Variants in SCARA3 observed in about 807,000 individuals in gnomAD.
SCARA3 encodes the protein cellular stress response gene protein.
A neutral mutation model predicts 47.0 loss-of-function variants in SCARA3; 39 were observed. The observed-to-expected ratio is 0.83, with a 90% CI of 0.64 to 1.08. The LOEUF (loss-of-function observed/expected upper bound fraction) is 1.08. SCARA3 is among the 50% of genes least tolerant of loss of function. SCARA3 has a pLI of 0.00. For synonymous variants in SCARA3, 356 were observed against 334.1 expected (o/e 1.07, Z -0.71); for missense variants, 724 against 792.3 (o/e 0.91, Z 1.04).
intron 1 of SCARA3, among the ~76,000 whole-genome samples, chr8:27,640,611 C>T (rs953714389): frequency 1.8e-4 from 28 of 151,698 alleles, no homozygotes; most frequent in African/African-American, 6.3e-4. Flanking sequence ...AGCTCCCGAC[C>T]TCAAGCAATC....
the SCARA3 span, among the ~76,000 whole-genome samples, chr8:27,725,467 A>T: frequency 2.0e-5 from 3 of 151,310 alleles, no homozygotes; most frequent in Admixed American, 2.0e-4. Context: ...ATTATATAGT[A>T]AAAAGAAATT....
intron 5 of SCARA3, among the ~76,000 whole-genome samples, chr8:27,660,955 C>T (rs1381333976): frequency 6.6e-6 from 1 of 152,080 alleles, no homozygotes; most frequent in Admixed American, 6.5e-5. Context: ...CTGGCAAGTC[C>T]AAAATCCGCA....
At chr8:27,711,984 C>A in the SCARA3 span, among the ~76,000 whole-genome samples, 3 of 152,240 alleles carry the variant, frequency 2.0e-5, no homozygotes, top group South Asian at 6.2e-4. Flanking sequence ...TTTGGGCAAA[C>A]GTATAATGAC....
At chr8:27,722,881 G>A in the SCARA3 span, among the ~76,000 whole-genome samples, 5 of 152,002 alleles carry the variant, frequency 3.3e-5, no homozygotes, top group African/African-American at 9.7e-5. Context: ...TTCTCCTAGT[G>A]ACCCCGGCAC....
Position 27,649,741 on chromosome 8 carries a change from C to T in SCARA3, c.47C>T (p.Thr16Ile), listed in dbSNP as rs142390850. The T allele has an allele frequency of 2.3e-5, 37 of 1,614,172 alleles. No individual in the cohort carries two copies. The African/African-American group carries it at 3.6e-4, about 16-fold the overall frequency. ...GGCGATGGAGATGCCTTGTGCGTTA[C>T]AGAAGAGGACCTGGCGGGTGACGAC... The part of the protein sequence containing the change: ...AGGDGDALCV[T>I]EEDLAGDDED... The change falls in exon 2 of 6, where the codon ACA (threonine) becomes ATA (isoleucine). Residue 16 changes from threonine (T) to isoleucine (I), a missense_variant. Thr to Ile is a moderately conservative substitution (Grantham distance 89). Transcript: ENST00000301904.
the SCARA3 span, among the ~76,000 whole-genome samples, chr8:27,685,250 CT>C: frequency 6.6e-6 from 1 of 152,150 alleles, no homozygotes; most frequent in Non-Finnish European, 1.5e-5. Flanking sequence ...CCAAAACTGA[CT>C]TAATAAGTAG....
intron 1 of SCARA3, among the ~76,000 whole-genome samples, chr8:27,648,575 G>T (rs1274605865): frequency 6.6e-6 from 1 of 151,922 alleles, no homozygotes; most frequent in Admixed American, 6.6e-5. Flanking sequence ...CTGCAATCCA[G>T]CCTGGGCGAC....
the SCARA3 span, among the ~76,000 whole-genome samples, chr8:27,715,828 A>AGATAGAT: frequency 2.8e-4 from 24 of 84,298 alleles, no homozygotes; most frequent in Non-Finnish European, 4.9e-4. The surrounding 1 kb of genome is among the most constrained non-coding windows in gnomAD (Gnocchi z 4.2). Flanking sequence ...GATAGATGAT[A>AGATAGAT]GATAGATAGA....
chr8:27,658,759 G>A lies in SCARA3; in HGVS notation c.589G>A (p.Ala197Thr), dbSNP rs958175542. The change falls in exon 5 of 6, where the codon GCC (alanine) becomes ACC (threonine). Residue 197 changes from alanine (A) to threonine (T), a missense_variant. By Grantham distance (58) the Ala-to-Thr change is moderately conservative. Coordinates refer to ENST00000301904, the MANE Select transcript of SCARA3 (RefSeq NM_016240.3). ...CCTGGCCCAGGTGAGAGGCTGGCAGGCCACCACAGCTGGCCTGGACCTCTC... is the reference window on the plus strand; with the variant it reads ...CCTGGCCCAGGTGAGAGGCTGGCAGACCACCACAGCTGGCCTGGACCTCTC... ...LFLAQVRGWQ[A>T]TTAGLDLSLK... The A allele has an allele frequency of 6.2e-7, 1 of 1,614,044 alleles. No individual in the cohort carries two copies. The highest frequency in any genetic ancestry group is 1.7e-5 in the Admixed American group (1 of 60,012).
At chr8:27,707,875 T>C in the SCARA3 span, among the ~76,000 whole-genome samples, 2 of 149,894 alleles carry the variant, frequency 1.3e-5, no homozygotes, top group African/African-American at 2.5e-5. Context: ...CAAATGCATC[T>C]AAAAATGATG....
the SCARA3 span, among the ~76,000 whole-genome samples, chr8:27,695,950 C>T: frequency 6.6e-6 from 1 of 151,734 alleles, no homozygotes; most frequent in African/African-American, 2.4e-5. Flanking sequence ...AGGATAAATA[C>T]AAACAAAAAT....
chr8:27,656,889 A>G lies in SCARA3; in HGVS notation c.325+9A>G, dbSNP rs1290883586. On this transcript the variant is annotated intron_variant, in intron 4 of 5. Coordinates refer to ENST00000301904, the MANE Select transcript of SCARA3 (RefSeq NM_016240.3). ...AAATCTCCAGGGCCTGGGTAAGTAG[A>G]TGGGCTGATGACTGTGATGCAGTGA... 6.5e-7 allele frequency: 1 copy of G among 1,529,662 alleles called. No individual in the cohort carries two copies. Among genetic ancestry groups the G allele is most frequent in the East Asian group, 2.2e-5 (1 of 44,524 alleles). The allele number at this position is 1,529,662 out of a possible 1,614,324, so 94.8% of individuals were successfully genotyped here.
At chr8:27,644,993 G>A (rs921451755) in intron 1 of SCARA3, among the ~76,000 whole-genome samples, 5 of 152,168 alleles carry the variant, frequency 3.3e-5, no homozygotes, top group East Asian at 3.9e-4. Context: ...TCTGTTCTGC[G>A]AAGGGGAGGG....
intron 1 of SCARA3, among the ~76,000 whole-genome samples, chr8:27,642,562 C>A (rs769762188): frequency 6.6e-5 from 10 of 152,174 alleles, no homozygotes; most frequent in Admixed American, 2.6e-4. Context: ...GTGGCTCATG[C>A]CAGTAATCCC....
At chr8:27,651,841 G>A (rs979352827) in intron 3 of SCARA3, among the ~76,000 whole-genome samples, 1 of 152,216 alleles carries the variant, frequency 6.6e-6, no homozygotes, top group Non-Finnish European at 1.5e-5. Flanking sequence ...CTGCCTCTGG[G>A]GACCCCTTCT....
rs1415400509 is a variant in SCARA3 at position 27,646,978 on chromosome 8, C to G, written c.8-2724C>G. ...CGCACCCCTGACCGCCCCCGCCCCC[C>G]CCCCGCACACACACACTATTGCCCC... On this transcript the variant is annotated intron_variant, in intron 1 of 5. Transcript: ENST00000301904. Among the ~76,000 whole-genome samples the G allele has an allele frequency of 8.8e-4, 97 of 110,582 alleles. 8 individuals carry two copies. The highest frequency in any genetic ancestry group is 1.3e-3 in the Non-Finnish European group (65 of 51,130). The allele number at this position is 110,582 out of a possible 152,430, so 72.5% of individuals were successfully genotyped here.
chr8:27,637,337 G>C (rs943229331), intron 1 of SCARA3, among the ~76,000 whole-genome samples: 1 of 152,102 alleles, frequency 6.6e-6, no homozygotes, highest in African/African-American at 2.4e-5. Context: ...GCCCACCTTG[G>C]AGCTTCCCAC....
the SCARA3 span, among the ~76,000 whole-genome samples, chr8:27,683,355 G>C: frequency 6.6e-6 from 1 of 152,112 alleles, no homozygotes; most frequent in Non-Finnish European, 1.5e-5. Flanking sequence ...GATTAGGGGT[G>C]GTGGTTACAC....
intron 5 of SCARA3, 87 bp from the exon 6 acceptor site, chr8:27,670,813 T>C: frequency 9.0e-7 from 1 of 1,109,404 alleles, no homozygotes; most frequent in Non-Finnish European, 1.3e-6. Context: ...ACCCTCGGGC[T>C]GTCGCCGTGC....
Sources: allele counts gnomAD v4.1 joint callset (sites outside exome capture counted in the v4.1 genomes callset), GRCh38; gene constraint gnomAD v4.1.1; non-coding constraint Gnocchi (gnomAD v3.1); transcripts MANE v1.5; gene names NCBI Gene and HGNC (gene_info 2026-07-23, HGNC 2026-07-21).